The following KLHL32 variants were observed in gnomAD, a reference collection of about 807,000 sequenced individuals.
KLHL32 encodes kelch like family member 32, also known as kelch-like protein 32.
KLHL32 carries 35 observed loss-of-function variants against 64.8 expected under a neutral mutation model. The ratio of observed to expected loss-of-function variants is 0.54; its 90% CI spans 0.41 to 0.72. The LOEUF (loss-of-function observed/expected upper bound fraction) is 0.72. Among genes scored for constraint, KLHL32 ranks in the 30% least tolerant of loss-of-function variants. The pLI is 0.00. For synonymous variants in KLHL32, 259 were observed against 281.0 expected (o/e 0.92, Z 0.78); for missense variants, 589 against 768.5 (o/e 0.77, Z 2.76).
intron 6 of KLHL32, 97 bp downstream of exon 6, chr6:97,085,438 T>TAA: frequency 9.8e-7 from 1 of 1,023,508 alleles, no homozygotes; most frequent in Non-Finnish European, 1.5e-6. Context: ...TTTAGTGGCT[T>TAA]TGGTCCTCAT....
chr6:97,134,282 A>C (rs372964003), intron 10 of KLHL32, among the ~76,000 whole-genome samples: 14 of 152,328 alleles, frequency 9.2e-5, no homozygotes, highest in African/African-American at 3.1e-4. Flanking sequence ...CCACACACAC[A>C]TGAAGAGCCA....
At chr6:97,061,037 G>A (rs1788800325) in intron 4 of KLHL32, among the ~76,000 whole-genome samples, 1 of 152,126 alleles carries the variant, frequency 6.6e-6, no homozygotes, top group African/African-American at 2.4e-5. Context: ...TACTTGGTGA[G>A]GTGAGACTAG....
chr6:96,911,269 G>A, the KLHL32 span, among the ~76,000 whole-genome samples: 3 of 152,096 alleles, frequency 2.0e-5, no homozygotes, highest in Non-Finnish European at 2.9e-5. Flanking sequence ...AAATCTTGAC[G>A]TCTCTTGCGA....
chr6:96,932,962 T>A (rs1188741973), intron 1 of KLHL32, among the ~76,000 whole-genome samples: 1 of 152,194 alleles, frequency 6.6e-6, no homozygotes, highest in Non-Finnish European at 1.5e-5. Flanking sequence ...TTACATTTTG[T>A]TAATTGCTTT....
intron 6 of KLHL32, among the ~76,000 whole-genome samples, chr6:97,101,355 A>G (rs1387905290): frequency 6.6e-6 from 1 of 152,220 alleles, no homozygotes; most frequent in Non-Finnish European, 1.5e-5. Flanking sequence ...TTTCATTAGA[A>G]TATTTTACAG....
chr6:96,947,371 T>C (rs1279467714), intron 1 of KLHL32, among the ~76,000 whole-genome samples: 2 of 152,228 alleles, frequency 1.3e-5, no homozygotes, highest in African/African-American at 4.8e-5. Flanking sequence ...TAAACTGTTA[T>C]ATTTAATTTG....
chr6:96,963,981 G>A (rs1774155541), intron 1 of KLHL32, among the ~76,000 whole-genome samples: 1 of 152,218 alleles, frequency 6.6e-6, no homozygotes, highest in Non-Finnish European at 1.5e-5. Context: ...CAGAAAAAGA[G>A]CCACCTCATT....
intron 3 of KLHL32, among the ~76,000 whole-genome samples, chr6:96,983,480 G>A (rs1478837315): frequency 1.3e-5 from 2 of 152,300 alleles, no homozygotes; most frequent in Admixed American, 6.5e-5. Flanking sequence ...TATACCTCTG[G>A]TAGAATTCAG....
rs563381440 is a variant in KLHL32 at position 97,032,777 on chromosome 6, A to C, written c.205-8715A>C. On this transcript the variant is annotated intron_variant, in intron 3 of 10. Coordinates refer to ENST00000369261, the MANE Select transcript of KLHL32 (RefSeq NM_052904.4). ...ACTGAAAACAACTGAAATTTCTTTC[A>C]GGTTCTTTCAAGGAGTTCAGAAGCA... Among the ~76,000 whole-genome samples, 3 of 152,218 alleles carry C rather than the reference A, an allele frequency of 2.0e-5. 1 individual carries two copies. The highest frequency in any genetic ancestry group is 4.4e-5 in the Non-Finnish European group (3 of 68,042).
chr6:97,135,958 T>G (rs936170692), intron 10 of KLHL32, among the ~76,000 whole-genome samples: 1 of 152,166 alleles, frequency 6.6e-6, no homozygotes, highest in Non-Finnish European at 1.5e-5. Context: ...GAGAAAATGC[T>G]TAACAGTGGA....
chr6:97,038,059 T>C (rs1428991497), intron 3 of KLHL32, among the ~76,000 whole-genome samples: 1 of 152,074 alleles, frequency 6.6e-6, no homozygotes. Context: ...GCCCCAACTA[T>C]GAAATAACTA....
intron 6 of KLHL32, among the ~76,000 whole-genome samples, chr6:97,096,622 T>C (rs1795025978): frequency 6.6e-6 from 1 of 152,270 alleles, no homozygotes; most frequent in South Asian, 2.1e-4. Context: ...CCCCAGATAT[T>C]CTTTTTGATA....
At chr6:96,996,679 C>T (rs1778453622) in intron 3 of KLHL32, among the ~76,000 whole-genome samples, 1 of 151,906 alleles carries the variant, frequency 6.6e-6, no homozygotes, top group Non-Finnish European at 1.5e-5. Context: ...TATCCCTTTT[C>T]CTCTCTTCAA....
chr6:96,940,933 G>T (rs186342176), intron 1 of KLHL32, among the ~76,000 whole-genome samples: 3 of 152,308 alleles, frequency 2.0e-5, no homozygotes, highest in Admixed American at 2.0e-4. Flanking sequence ...GGCACAAATT[G>T]TTGGAATTCA....
At chr6:96,967,848 G>A (rs905314137) in intron 2 of KLHL32, among the ~76,000 whole-genome samples, 1 of 152,158 alleles carries the variant, frequency 6.6e-6, no homozygotes, top group Non-Finnish European at 1.5e-5. Flanking sequence ...AGATTTGAAG[G>A]GGGGCATGCC....
intron 4 of KLHL32, among the ~76,000 whole-genome samples, chr6:97,049,748 T>C (rs1582845254): frequency 6.6e-6 from 1 of 152,224 alleles, no homozygotes; most frequent in African/African-American, 2.4e-5. Context: ...ACTTTTTTGC[T>C]TTTTTAGATC....
chr6:96,952,138 G>A (rs1772702806), intron 1 of KLHL32, among the ~76,000 whole-genome samples: 1 of 152,164 alleles, frequency 6.6e-6, no homozygotes, highest in Admixed American at 6.5e-5. Context: ...TCCTGTCCAG[G>A]ATGGGTTCCC....
At chr6:97,103,951 G>C (rs924778360) in intron 6 of KLHL32, among the ~76,000 whole-genome samples, 3 of 152,184 alleles carry the variant, frequency 2.0e-5, no homozygotes, top group Non-Finnish European at 2.9e-5. Context: ...AGAAGGAGGA[G>C]ACTCTCTCAT....
At chr6:97,030,310 G>A (rs369039512) in intron 3 of KLHL32, among the ~76,000 whole-genome samples, 42 of 152,310 alleles carry the variant, frequency 2.8e-4, no homozygotes, top group African/African-American at 8.9e-4. Flanking sequence ...AACTAATCTT[G>A]TGTCTGCATG....
Sources: allele counts gnomAD v4.1 joint callset (sites outside exome capture counted in the v4.1 genomes callset), GRCh38; gene constraint gnomAD v4.1.1; transcripts MANE v1.5; gene names NCBI Gene and HGNC (gene_info 2026-07-23, HGNC 2026-07-21).